Variants in MTG1 observed in about 807,000 individuals in gnomAD.
MTG1 encodes mitochondrial ribosome-associated GTPase 1.
In MTG1, 30 loss-of-function variants were observed where a neutral mutation model predicts 39.5. That is an observed-to-expected ratio of 0.76 (90% CI 0.57 to 1.03). The LOEUF is 1.03. MTG1 is among the 50% of genes least tolerant of loss of function. The pLI is 0.00. For synonymous variants in MTG1, 217 were observed against 179.0 expected (o/e 1.21, Z -1.69); for missense variants, 513 against 447.4 (o/e 1.15, Z -1.32).
intron 3 of MTG1, among the ~76,000 whole-genome samples, chr10:133,397,757 C>T (rs1197489705): frequency 3.3e-5 from 5 of 149,968 alleles, no homozygotes; most frequent in Middle Eastern, 3.5e-3. Context: ...GTATTACAGG[C>T]GTGAGTCACT....
At chr10:133,400,516 A>G (rs1012066698) in intron 6 of MTG1, among the ~76,000 whole-genome samples, 4 of 152,236 alleles carry the variant, frequency 2.6e-5, no homozygotes, top group Admixed American at 6.5e-5. Context: ...TTTATTAACA[A>G]ACCCATTCAT....
At chr10:133,411,910 A>T (rs1258483692) in intron 9 of MTG1, among the ~76,000 whole-genome samples, 4 of 151,234 alleles carry the variant, frequency 2.6e-5, no homozygotes, top group African/African-American at 7.3e-5. Flanking sequence ...TCTTGATTTG[A>T]GCGCTTACAC....
At chr10:133,396,878 G>T (rs571437775) in intron 3 of MTG1, among the ~76,000 whole-genome samples, 1 of 152,336 alleles carries the variant, frequency 6.6e-6, no homozygotes, top group East Asian at 1.9e-4. Flanking sequence ...TAACGCCAGT[G>T]TCTGGGAAGA....
intron 9 of MTG1, among the ~76,000 whole-genome samples, chr10:133,413,861 A>G (rs1365057856): frequency 2.0e-5 from 3 of 151,218 alleles, no homozygotes; most frequent in Non-Finnish European, 2.9e-5. Flanking sequence ...AAAAAGTTGT[A>G]TATATTTTCC....
chr10:133,399,567 C>G lies in MTG1; in HGVS notation c.459C>G (p.Asn153Lys). 1 of 1,614,198 alleles carries G rather than the reference C, an allele frequency of 6.2e-7. No individual in the cohort carries two copies. Among genetic ancestry groups the G allele is most frequent in the Admixed American group, 1.7e-5 (1 of 60,016 alleles). Residue 153 changes from asparagine to lysine, a missense_variant, in exon 6 of 11, where the codon AAC (asparagine) becomes AAG (lysine). Physicochemically the swap from Asn to Lys is moderately conservative, Grantham distance 94. Coordinates refer to ENST00000317502, the MANE Select transcript of MTG1 (RefSeq NM_138384.4). Reference sequence around the variant, plus strand: ...GTATCATGGTCATTGGGGTCCCCAACGTGGGCAAGTCCTCCCTCATCAACT... The same window carrying G: ...GTATCATGGTCATTGGGGTCCCCAAGGTGGGCAAGTCCTCCCTCATCAACT... Reference protein sequence around the residue: ...EYCIMVIGVPNVGKSSLINSL... With the variant: ...EYCIMVIGVPKVGKSSLINSL...
chr10:133,404,834 G>A (rs534274018), intron 9 of MTG1, among the ~76,000 whole-genome samples: 4 of 152,104 alleles, frequency 2.6e-5, no homozygotes, highest in Admixed American at 1.3e-4. Flanking sequence ...CATCTTTGTC[G>A]CAAATCGGTT....
intron 9 of MTG1, among the ~76,000 whole-genome samples, chr10:133,410,031 C>T (rs1029649453): frequency 2.0e-5 from 3 of 151,562 alleles, no homozygotes; most frequent in African/African-American, 7.3e-5. Context: ...GTTTTTTATC[C>T]ATTTAGCCAC....
chr10:133,414,575 G>T (rs10745300), intron 9 of MTG1, among the ~76,000 whole-genome samples: 2,290 of 150,646 alleles, frequency 0.015, 53 homozygotes, highest in African/African-American at 0.051. Context: ...GATGGGCGGC[G>T]GGGCAGAGAC....
At chr10:133,395,027 G>A (rs1263412276) in intron 1 of MTG1, among the ~76,000 whole-genome samples, 1 of 152,150 alleles carries the variant, frequency 6.6e-6, no homozygotes, top group Non-Finnish European at 1.5e-5. Context: ...CTGGTTAGGG[G>A]ACTATCGTCA....
At chr10:133,395,614 G>A (rs1849770528) in intron 1 of MTG1, 99 bp from the exon 2 acceptor site, 1 of 1,121,450 alleles carries the variant, frequency 8.9e-7, no homozygotes, top group South Asian at 1.3e-5. Context: ...GTCTTTTTAG[G>A]TTATTTATGG....
At position 133,420,861 on chromosome 10, in the gene MTG1, C is replaced by G. The variant is rs1319887470; in HGVS notation, c.*696C>G. 6.6e-6 allele frequency: 1 copy of G among 152,392 alleles called. No individual in the cohort carries two copies. Among genetic ancestry groups the G allele is most frequent in the Non-Finnish European group, 1.5e-5 (1 of 68,158 alleles). The allele number at this position is 152,392 out of a possible 1,614,324, so 9.4% of individuals were successfully genotyped here. ...CCGCCCGGCATGGGCAGTAGAGACC[C>G]CTGGCCTCTGAGCACCTTCTAGCTC... On this transcript the variant is annotated 3_prime_UTR_variant, in exon 11 of 11. Coordinates refer to ENST00000317502, the MANE Select transcript of MTG1 (RefSeq NM_138384.4).
chr10:133,396,019 G>T lies in MTG1; in HGVS notation c.178-144G>T, dbSNP rs1467531191. ...AATCCTCTAGATGGGCTATGAAACT[G>T]TTTAAATGTTCCTGCCAACTGGGGC... On this transcript the variant is annotated intron_variant, in intron 2 of 10. Coordinates refer to ENST00000317502, the MANE Select transcript of MTG1 (RefSeq NM_138384.4). The T allele has an allele frequency of 3.6e-5, 31 of 857,342 alleles. No homozygotes were observed. In the South Asian group the frequency reaches 4.6e-4, roughly 13 times the overall value. The allele number at this position is 857,342 out of a possible 1,614,324, so 53.1% of individuals were successfully genotyped here.
At position 133,396,205 on chromosome 10, in the gene MTG1, G is replaced by A. The variant is rs756376746; in HGVS notation, c.220G>A (p.Gly74Arg). 2 of 1,614,178 alleles carry A rather than the reference G, an allele frequency of 1.2e-6. No individual in the cohort carries two copies. The highest frequency in any genetic ancestry group is 3.3e-5 in the Admixed American group (2 of 60,008). ...CAACCCTCTGTTTCAGGAAACCCTT[G>A]GGCTTAAGCCTCACTTGCTGGTCCT... ...GRNPLFQETL[G>R]LKPHLLVLNK... is the part of the protein sequence containing the mutation. Residue 74 changes from glycine to arginine, a missense_variant, in exon 3 of 11, where the codon GGG becomes AGG. Transcript: ENST00000317502.
intron 2 of MTG1, 130 bp downstream of exon 2, chr10:133,395,907 G>T (rs1472311673): frequency 5.2e-6 from 5 of 965,872 alleles, no homozygotes; most frequent in Non-Finnish European, 8.0e-6. Flanking sequence ...AATCTGTGAT[G>T]TGGGGTCCAG....
In MTG1 at chr10:133,401,564, A is replaced by G. The variant is rs202206351; in HGVS notation, c.547A>G (p.Thr183Ala). 83 of 1,602,364 alleles carry G rather than the reference A, an allele frequency of 5.2e-5. No homozygotes were observed. Among genetic ancestry groups the G allele is most frequent in the Non-Finnish European group, 6.8e-5 (80 of 1,172,530 alleles). Residue 183 changes from threonine to alanine, a missense_variant, in exon 7 of 11, where the codon ACC (threonine) becomes GCC (alanine). Thr to Ala is a moderately conservative substitution (Grantham distance 58, BLOSUM62 0). Transcript: ENST00000317502. ...ATRVGGEPGI[T>A]RAVMSKIQVS... ...CAGGGTGGGTGGCGAGCCTGGGATC[A>G]CCAGAGCTGTGATGTCCAAAATTCA...
intron 9 of MTG1, among the ~76,000 whole-genome samples, chr10:133,415,962 G>GGGTGTCGGGCAGGCA (rs1850120980): frequency 6.7e-6 from 1 of 149,242 alleles, no homozygotes; most frequent in Non-Finnish European, 1.5e-5. Context: ...TCAGGCACGC[G>GGGTGTCGGGCAGGCA]GGTGTCGGGC....
At chr10:133,396,866 G>A (rs975201036) in intron 3 of MTG1, among the ~76,000 whole-genome samples, 4 of 152,186 alleles carry the variant, frequency 2.6e-5, no homozygotes, top group South Asian at 2.1e-4. Context: ...TTGGTCTAGC[G>A]GTAACGCCAG....
In MTG1 at chr10:133,402,868, G is replaced by C; in HGVS notation, c.752+95G>C. On this transcript the variant is annotated intron_variant, in intron 9 of 10. Coordinates refer to ENST00000317502, the MANE Select transcript of MTG1 (RefSeq NM_138384.4). This position sits in a 1 kb window ranked among gnomAD's most constrained non-coding sequence, Gnocchi z 4.7. ...ACAAAAAAACCCCCAGCATTATAAA[G>C]GTATTATAAACACGGTAACCTGCAC... The C allele has an allele frequency of 1.0e-6, 1 of 974,854 alleles. No homozygotes were observed. Among genetic ancestry groups the C allele is most frequent in the Non-Finnish European group, 1.5e-6 (1 of 661,224 alleles). The allele number at this position is 974,854 out of a possible 1,614,324, so 60.4% of individuals were successfully genotyped here.
chr10:133,401,680 G>A, intron 7 of MTG1, 90 bp downstream of exon 7: 1 of 1,277,534 alleles, frequency 7.8e-7, no homozygotes, highest in Non-Finnish European at 1.1e-6. Context: ...TCCGGCTGCT[G>A]ACCACGCTTC....
Sources: gnomAD v4.1 joint callset for allele counts (sites outside exome capture counted in the v4.1 genomes callset) on GRCh38, gnomAD v4.1.1 for gene constraint, Gnocchi (gnomAD v3.1) non-coding constraint, MANE v1.5 for transcripts, NCBI Gene and HGNC (gene_info 2026-07-23, HGNC 2026-07-21) for gene names.